The following MDFIC2 variants were observed in gnomAD, a reference collection of about 807,000 sequenced individuals.
MDFIC2 encodes the protein myoD family inhibitor domain-containing protein 2.
intron 2 of MDFIC2, among the ~76,000 whole-genome samples, chr3:70,255,027 C>CT (rs2031835116): frequency 6.6e-6 from 1 of 151,800 alleles, no homozygotes; most frequent in African/African-American, 2.4e-5. Flanking sequence ...TACAACAATA[C>CT]TTTTTGAAAT....
intron 2 of MDFIC2, among the ~76,000 whole-genome samples, chr3:70,278,977 G>A (rs1702054995): frequency 6.6e-6 from 1 of 151,470 alleles, no homozygotes. Context: ...AAGGAAAACA[G>A]TGAAGTGGCT....
intron 2 of MDFIC2, among the ~76,000 whole-genome samples, chr3:70,263,476 A>T (rs994928256): frequency 2.0e-5 from 3 of 152,140 alleles, no homozygotes; most frequent in Non-Finnish European, 4.4e-5. Flanking sequence ...ATACTCACAG[A>T]TGTTTCTCCT....
At position 70,206,686 on chromosome 3, in the gene MDFIC2, T is replaced by A. The variant is rs1273566272; in HGVS notation, c.193A>T (p.Asn65Tyr). 1 of 397,930 alleles carries A rather than the reference T, an allele frequency of 2.5e-6. No individual in the cohort carries two copies. Among genetic ancestry groups the A allele is most frequent in the Non-Finnish European group, 4.4e-6 (1 of 225,618 alleles). 24.6% of individuals were successfully genotyped at this position (397,930 alleles called of 1,614,324 possible). A position where few individuals can be genotyped will look rare whatever the true frequency, so the allele number is the denominator to read the frequency against. ...FNITDGPAKE[N>Y]PNEKKLSESS... Reference sequence around the variant, plus strand: ...TCTGACAGTTTTTTCTCATTGGGGTTTTCCTTGGCTGGTCCATCTGTGATA... The same window carrying A: ...TCTGACAGTTTTTTCTCATTGGGGTATTCCTTGGCTGGTCCATCTGTGATA... Residue 65 changes from asparagine (N) to tyrosine (Y), a missense_variant, in exon 3 of 4, where the codon AAC becomes TAC. By Grantham distance (143) the Asn-to-Tyr change is moderately radical (BLOSUM62 -2). Coordinates refer to ENST00000567252, the MANE Select transcript of MDFIC2 (RefSeq NM_001364677.1).
At chr3:70,278,470 A>T (rs1405852465) in intron 2 of MDFIC2, among the ~76,000 whole-genome samples, 2 of 152,178 alleles carry the variant, frequency 1.3e-5, no homozygotes, top group Non-Finnish European at 2.9e-5. Flanking sequence ...CTTTAGGTGG[A>T]TACTGCCTAG....
intron 2 of MDFIC2, among the ~76,000 whole-genome samples, chr3:70,234,403 C>T (rs750302033): frequency 6.6e-6 from 1 of 152,118 alleles, no homozygotes; most frequent in Non-Finnish European, 1.5e-5. Flanking sequence ...AATCCTAGCA[C>T]TTTGGGAAGC....
At chr3:70,295,883 T>A (rs1048805523) in intron 2 of MDFIC2, among the ~76,000 whole-genome samples, 1 of 152,180 alleles carries the variant, frequency 6.6e-6, no homozygotes, top group African/African-American at 2.4e-5. Flanking sequence ...TCCCACTTGA[T>A]CTTTGCCTTG....
chr3:70,264,357 G>A (rs552232943), intron 2 of MDFIC2, among the ~76,000 whole-genome samples: 2 of 152,156 alleles, frequency 1.3e-5, no homozygotes, highest in Non-Finnish European at 2.9e-5. Flanking sequence ...CTCTTGTTTA[G>A]TCTTCTAAGA....
chr3:70,208,224 G>A (rs865944474), intron 2 of MDFIC2, among the ~76,000 whole-genome samples: 3 of 152,032 alleles, frequency 2.0e-5, no homozygotes, highest in Non-Finnish European at 4.4e-5. Flanking sequence ...GGTGTCCTTG[G>A]GAATTGCATT....
At chr3:70,273,826 A>G (rs1701997005) in intron 2 of MDFIC2, among the ~76,000 whole-genome samples, 1 of 152,142 alleles carries the variant, frequency 6.6e-6, no homozygotes, top group Non-Finnish European at 1.5e-5. Flanking sequence ...TTTCCAAGGC[A>G]GAGTCTCACT....
intron 2 of MDFIC2, among the ~76,000 whole-genome samples, chr3:70,245,287 A>G (rs1305940918): frequency 2.6e-5 from 4 of 152,080 alleles, no homozygotes; most frequent in Non-Finnish European, 5.9e-5. Flanking sequence ...TTGGTGATAT[A>G]AAATTACTTT....
intron 2 of MDFIC2, among the ~76,000 whole-genome samples, chr3:70,226,381 C>T (rs1476632497): frequency 6.6e-6 from 1 of 152,116 alleles, no homozygotes; most frequent in Non-Finnish European, 1.5e-5. Flanking sequence ...CAGGAATTTC[C>T]TATTCTGTTG....
intron 2 of MDFIC2, among the ~76,000 whole-genome samples, chr3:70,214,342 C>A (rs1180746587): frequency 6.6e-6 from 1 of 152,032 alleles, no homozygotes; most frequent in Admixed American, 6.6e-5. Flanking sequence ...TAAAACCCTG[C>A]CTCAAGAAAC....
At chr3:70,258,189 T>C (rs572986340) in intron 2 of MDFIC2, among the ~76,000 whole-genome samples, 3 of 152,200 alleles carry the variant, frequency 2.0e-5, no homozygotes, top group African/African-American at 7.2e-5. Context: ...TGTTCTAGAA[T>C]AAAATATAGG....
intron 2 of MDFIC2, among the ~76,000 whole-genome samples, chr3:70,219,091 T>C (rs1168373082): frequency 6.6e-6 from 1 of 152,206 alleles, no homozygotes; most frequent in Admixed American, 6.5e-5. Context: ...ATAGTCATTA[T>C]AGTCAAGGCT....
chr3:70,258,897 T>C (rs1701841481), intron 2 of MDFIC2, among the ~76,000 whole-genome samples: 1 of 152,176 alleles, frequency 6.6e-6, no homozygotes, highest in Non-Finnish European at 1.5e-5. Flanking sequence ...ATTAAATTTT[T>C]CTTCAATTTC....
chr3:70,247,972 A>T (rs143638094), intron 2 of MDFIC2, among the ~76,000 whole-genome samples: 5 of 152,126 alleles, frequency 3.3e-5, no homozygotes, highest in Admixed American at 3.3e-4. Context: ...GTAGAATTTA[A>T]TGCTACAATG....
intron 2 of MDFIC2, among the ~76,000 whole-genome samples, chr3:70,253,406 T>G (rs1212482558): frequency 6.6e-6 from 1 of 152,142 alleles, no homozygotes; most frequent in East Asian, 1.9e-4. Context: ...TGAAGAGTTG[T>G]AGAATACCAG....
chr3:70,279,461 C>T (rs1367236477), intron 2 of MDFIC2, among the ~76,000 whole-genome samples: 3 of 152,088 alleles, frequency 2.0e-5, no homozygotes, highest in African/African-American at 7.2e-5. Context: ...TTGTCATTTT[C>T]TCTTCATCCC....
chr3:70,289,879 C>G (rs201551328), intron 2 of MDFIC2, among the ~76,000 whole-genome samples: 1 of 151,776 alleles, frequency 6.6e-6, no homozygotes, highest in East Asian at 1.9e-4. Flanking sequence ...GCATTCTTCA[C>G]GTAGTTCTCG....
Sources: gnomAD v4.1 joint callset for allele counts (sites outside exome capture counted in the v4.1 genomes callset) on GRCh38, gnomAD v4.1.1 for gene constraint, MANE v1.5 for transcripts, NCBI Gene and HGNC (gene_info 2026-07-23, HGNC 2026-07-21) for gene names.